Variants in SGCD observed in about 807,000 individuals in gnomAD.
SGCD encodes the protein sarcoglycan delta.
In SGCD, 18 loss-of-function variants were observed where a neutral mutation model predicts 36.6. That is an observed-to-expected ratio of 0.49 (90% CI 0.34 to 0.73). The LOEUF is 0.73. Among genes scored for constraint, SGCD ranks in the 30% least tolerant of loss-of-function variants. The pLI, the probability that SGCD is intolerant of heterozygous loss-of-function variation, is 0.01. For synonymous variants in SGCD, 133 were observed against 130.6 expected (o/e 1.02, Z -0.12); for missense variants, 387 against 346.7 (o/e 1.12, Z -0.92).
At chr5:156,381,688 A>G (rs533526307) in intron 3 of SGCD, among the ~76,000 whole-genome samples, 17 of 152,340 alleles carry the variant, frequency 1.1e-4, no homozygotes, top group African/African-American at 4.1e-4. Flanking sequence ...AGAAGTCATA[A>G]AAGCATAGCA....
chr5:156,381,320 G>A (rs964708462), intron 3 of SGCD, among the ~76,000 whole-genome samples: 3 of 152,188 alleles, frequency 2.0e-5, no homozygotes, highest in African/African-American at 4.8e-5. Context: ...GGAAACGTAA[G>A]GCTGCTGATG....
chr5:155,772,946 G>T, the SGCD span, among the ~76,000 whole-genome samples: 1 of 152,024 alleles, frequency 6.6e-6, no homozygotes, highest in East Asian at 1.9e-4. Context: ...CATGCCCACT[G>T]TGGAACTCTT....
intron 6 of SGCD, among the ~76,000 whole-genome samples, chr5:156,612,931 GC>G: frequency 6.6e-6 from 1 of 152,304 alleles, no homozygotes; most frequent in South Asian, 2.1e-4. Flanking sequence ...GAACTCTCTG[GC>G]AGCAAGGACT....
the SGCD span, among the ~76,000 whole-genome samples, chr5:155,765,599 A>T: frequency 1.3e-5 from 2 of 152,220 alleles, no homozygotes; most frequent in Non-Finnish European, 2.9e-5. Context: ...CTTCTGAGGC[A>T]TCAGGATGCA....
chr5:156,536,275 G>A (rs923574605), intron 4 of SGCD, among the ~76,000 whole-genome samples: 1 of 152,092 alleles, frequency 6.6e-6, no homozygotes, highest in Non-Finnish European at 1.5e-5. Context: ...TAAGTACTTA[G>A]GCATTGGTCT....
chr5:156,470,221 C>T lies in SGCD; in HGVS notation c.193-38380C>T, dbSNP rs368072797. 1.4e-4 allele frequency among the ~76,000 whole-genome samples: 21 copies of T among 152,098 alleles called. No homozygotes were observed. In the East Asian group the frequency reaches 3.3e-3, roughly 24 times the overall value. On this transcript the variant is annotated intron_variant, in intron 3 of 8. Transcript: ENST00000337851. ...TATATAAAAATACTTGTATATTCAC[C>T]GTTAGCTTCTCAGCTTACTTCTGGG...
rs1470799296 is a variant in SGCD, at chr5:156,767,728, A to G, written c.*8338A>G. 2 of 152,198 alleles carry G rather than the reference A, an allele frequency of 1.3e-5. No individual in the cohort carries two copies. The highest frequency in any genetic ancestry group is 2.9e-5 in the Non-Finnish European group (2 of 68,034). The allele number at this position is 152,198 out of a possible 1,614,324, so 9.4% of individuals were successfully genotyped here. A position where few individuals can be genotyped will look rare whatever the true frequency, so the allele number is the denominator to read the frequency against. On this transcript the variant is annotated 3_prime_UTR_variant, in exon 9 of 9. Coordinates refer to ENST00000337851, the MANE Select transcript of SGCD (RefSeq NM_000337.6). Reference sequence around the variant, plus strand: ...TCTGTATAAAAAATTTGTATTTAATATTATTTCGACCACAGTCTTGTAAAA... The same window carrying G: ...TCTGTATAAAAAATTTGTATTTAATGTTATTTCGACCACAGTCTTGTAAAA...
At chr5:156,395,756 C>T (rs1172378420) in intron 3 of SGCD, among the ~76,000 whole-genome samples, 1 of 152,200 alleles carries the variant, frequency 6.6e-6, no homozygotes, top group Non-Finnish European at 1.5e-5. Context: ...AGCCTGGTTT[C>T]AGACACATAT....
chr5:156,742,782 A>C (rs1214606798), intron 7 of SGCD, among the ~76,000 whole-genome samples: 1 of 152,206 alleles, frequency 6.6e-6, no homozygotes, highest in African/African-American at 2.4e-5. Flanking sequence ...TGAAGGCAGA[A>C]GACTAATGTC....
At position 155,999,670 on chromosome 5, in the gene SGCD, C is replaced by T. The variant is rs186288536; in HGVS notation, c.-281-118208C>T. Among the ~76,000 whole-genome samples the T allele has an allele frequency of 4.4e-4, 67 of 152,314 alleles. 1 individual carries two copies. The highest frequency in any genetic ancestry group is 1.4e-3 in the African/African-American group (60 of 41,576). ...GCAGTGGCAACACAAAGGTGTCTTT[C>T]GTCTTCCTTAGAAACCCATTGGCAG... On this transcript the variant is annotated intron_variant, in intron 1 of 9. Transcript: ENST00000517913.
intron 6 of SGCD, among the ~76,000 whole-genome samples, chr5:156,643,032 T>TG (rs1000166865): frequency 5.5e-4 from 34 of 62,142 alleles, no homozygotes; most frequent in Admixed American, 3.5e-3. Context: ...TTGTTTTTTT[T>TG]TTTGTTTGTT....
At chr5:156,391,128 A>T (rs1771537289) in intron 3 of SGCD, among the ~76,000 whole-genome samples, 1 of 152,192 alleles carries the variant, frequency 6.6e-6, no homozygotes, top group South Asian at 2.1e-4. Flanking sequence ...TTTGTATTTT[A>T]AATCTTTTGT....
chr5:156,752,858 G>A (rs149487765), intron 7 of SGCD, among the ~76,000 whole-genome samples: 2,546 of 152,258 alleles, frequency 0.017, 134 homozygotes, highest in Admixed American at 0.097. Context: ...AGCTGTCCCC[G>A]TAGACAGCAT....
At chr5:155,952,834 A>G (rs1757572929) in intron 1 of SGCD, among the ~76,000 whole-genome samples, 1 of 152,192 alleles carries the variant, frequency 6.6e-6, no homozygotes, top group South Asian at 2.1e-4. Context: ...AGTGTAATGA[A>G]ATGTGCCCAG....
intron 4 of SGCD, among the ~76,000 whole-genome samples, chr5:156,534,597 G>T (rs758891931): frequency 3.3e-5 from 5 of 152,180 alleles, no homozygotes; most frequent in Non-Finnish European, 7.4e-5. Context: ...GGGAAGACTT[G>T]CATCAAGGTG....
chr5:156,364,444 G>A (rs1346125455), intron 3 of SGCD, among the ~76,000 whole-genome samples: 1 of 152,026 alleles, frequency 6.6e-6, no homozygotes, highest in Non-Finnish European at 1.5e-5. Context: ...TTTGGGGGCA[G>A]TGCATGGCTT....
chr5:156,141,452 C>A (rs112051790), intron 3 of SGCD, among the ~76,000 whole-genome samples: 4 of 152,346 alleles, frequency 2.6e-5, no homozygotes, highest in African/African-American at 9.6e-5. Flanking sequence ...CACAGCAAAG[C>A]CTGGGCTCAG....
At chr5:156,523,392 C>T (rs76184192) in intron 4 of SGCD, among the ~76,000 whole-genome samples, 1,785 of 152,202 alleles carry the variant, frequency 0.012, 14 homozygotes, top group Non-Finnish European at 0.018. Flanking sequence ...GATAATGCAA[C>T]GGAACTGAAG....
chr5:156,176,130 T>C (rs1377634923), intron 3 of SGCD, among the ~76,000 whole-genome samples: 1 of 151,936 alleles, frequency 6.6e-6, no homozygotes, highest in Non-Finnish European at 1.5e-5. Context: ...TGTGTGTGTG[T>C]GTGTGTTTGT....
Sources: gnomAD v4.1 joint callset for allele counts (sites outside exome capture counted in the v4.1 genomes callset) on GRCh38, gnomAD v4.1.1 for gene constraint, MANE v1.5 for transcripts, NCBI Gene and HGNC (gene_info 2026-07-23, HGNC 2026-07-21) for gene names.